The following SAXO1 variants were observed in gnomAD, a reference collection of about 807,000 sequenced individuals.
SAXO1 encodes the protein 4930500O09Rik.
SAXO1 carries 21 observed loss-of-function variants against 17.5 expected under a neutral mutation model. The observed-to-expected ratio is 1.20, with a 90% CI of 0.85 to 1.72. The LOEUF is 1.72. SAXO1 is among the 40% of genes most tolerant of loss of function. The probability of loss-of-function intolerance (pLI) is 0.00; values close to 1 mark genes in which losing one functional copy is unlikely to be tolerated. For synonymous variants in SAXO1, 274 were observed against 216.5 expected (o/e 1.27, Z -2.33); for missense variants, 843 against 596.0 (o/e 1.41, Z -4.32).
intron 3 of SAXO1, 129 bp from the exon 4 acceptor site, chr9:18,929,184 A>C: frequency 9.7e-7 from 1 of 1,027,666 alleles, no homozygotes; most frequent in Non-Finnish European, 1.4e-6. Context: ...AGAACAGAGC[A>C]CATCCCTGCT....
intron 1 of SAXO1, among the ~76,000 whole-genome samples, chr9:18,953,347 C>G (rs559577487): frequency 6.6e-6 from 1 of 152,086 alleles, no homozygotes; most frequent in Admixed American, 6.5e-5. Flanking sequence ...ATGTAACACA[C>G]TCTAAGGATT....
intron 1 of SAXO1, among the ~76,000 whole-genome samples, chr9:19,039,226 G>A (rs966392305): frequency 6.6e-6 from 1 of 152,098 alleles, no homozygotes; most frequent in Admixed American, 6.5e-5. Context: ...TTTATCCCAA[G>A]AATACAAGGT....
At chr9:19,032,820 A>C (rs1372324993) in intron 1 of SAXO1, 51 bp downstream of exon 1, 5 of 1,593,934 alleles carry the variant, frequency 3.1e-6, no homozygotes, top group Non-Finnish European at 4.3e-6. Context: ...CTTCCTCGGG[A>C]GTCTGAAAAC....
chr9:18,929,904 C>A (rs1280797764), intron 3 of SAXO1, among the ~76,000 whole-genome samples: 1 of 152,206 alleles, frequency 6.6e-6, no homozygotes, highest in Admixed American at 6.5e-5. Flanking sequence ...AACTACATGT[C>A]GGTCAATTGT....
intron 3 of SAXO1, among the ~76,000 whole-genome samples, chr9:18,936,155 T>G (rs889869060): frequency 2.6e-5 from 4 of 152,210 alleles, no homozygotes; most frequent in African/African-American, 9.6e-5. Context: ...CCAGAAGTCC[T>G]GATACCACCC....
intron 3 of SAXO1, among the ~76,000 whole-genome samples, chr9:18,940,595 T>G (rs1831510568): frequency 6.6e-6 from 1 of 152,218 alleles, no homozygotes; most frequent in African/African-American, 2.4e-5. Context: ...GCCCTCTCTA[T>G]TCACAGCATT....
chr9:19,006,196 G>A (rs536854033), intron 1 of SAXO1, among the ~76,000 whole-genome samples: 2 of 152,212 alleles, frequency 1.3e-5, no homozygotes, highest in South Asian at 2.1e-4. Context: ...CGTAGTCTCT[G>A]TGCAAAACAG....
intron 1 of SAXO1, among the ~76,000 whole-genome samples, chr9:18,987,549 T>G (rs1833643742): frequency 6.6e-6 from 1 of 152,184 alleles, no homozygotes; most frequent in African/African-American, 2.4e-5. Context: ...TGTGACCTCC[T>G]GTATTCAGTA....
At chr9:19,012,866 C>T (rs1020322997) in intron 1 of SAXO1, among the ~76,000 whole-genome samples, 9 of 152,174 alleles carry the variant, frequency 5.9e-5, no homozygotes, top group African/African-American at 1.4e-4. Context: ...GGAGGCGCTG[C>T]GGAGCTCAGG....
At chr9:18,997,708 AGTAGGGGCT>A (rs1380589560) in intron 1 of SAXO1, among the ~76,000 whole-genome samples, 1 of 152,210 alleles carries the variant, frequency 6.6e-6, no homozygotes, top group East Asian at 1.9e-4. Flanking sequence ...GACACTTCCC[AGTAGGGGCT>A]GACAGATACT....
chr9:18,993,104 C>T (rs1259679404), intron 1 of SAXO1, among the ~76,000 whole-genome samples: 1 of 150,782 alleles, frequency 6.6e-6, no homozygotes, highest in African/African-American at 2.5e-5. Flanking sequence ...CCAGCCAGAA[C>T]AATTTTTTTT....
Position 18,974,861 on chromosome 9 carries a change from T to A in SAXO1, c.39-23924A>T, listed in dbSNP as rs374646572. Among the ~76,000 whole-genome samples, 451 of 152,332 alleles carry A rather than the reference T, an allele frequency of 3.0e-3. 8 individuals are homozygous for A. The South Asian group carries it at 0.047, about 16-fold the overall frequency. On this transcript the variant is annotated intron_variant, in intron 1 of 3. Transcript: ENST00000380534. ...GTGGATTCATTCAACCATGGATGGA[T>A]GCTAAGGCTGATAGGCAAAGTTTTG...
At chr9:18,970,625 T>C (rs569491890) in intron 1 of SAXO1, among the ~76,000 whole-genome samples, 3 of 152,300 alleles carry the variant, frequency 2.0e-5, no homozygotes, top group Admixed American at 2.0e-4. Flanking sequence ...GAGTTGTGCT[T>C]TGAGTCTCAG....
intron 2 of SAXO1, among the ~76,000 whole-genome samples, chr9:18,948,027 G>T (rs551019698): frequency 6.6e-6 from 1 of 152,220 alleles, no homozygotes; most frequent in East Asian, 1.9e-4. Context: ...TTTAGATAAA[G>T]AAGTGGGTGG....
At chr9:18,985,404 T>C (rs907434194) in intron 1 of SAXO1, among the ~76,000 whole-genome samples, 17 of 152,164 alleles carry the variant, frequency 1.1e-4, no homozygotes, top group African/African-American at 4.1e-4. Context: ...CAAACCTACA[T>C]TAAAAAAACA....
At chr9:18,973,601 A>G (rs1309701059) in intron 1 of SAXO1, among the ~76,000 whole-genome samples, 1 of 152,208 alleles carries the variant, frequency 6.6e-6, no homozygotes, top group Non-Finnish European at 1.5e-5. Flanking sequence ...TGCACTGGAT[A>G]AGACAAGCTG....
chr9:18,958,543 T>A (rs928797292), intron 1 of SAXO1, among the ~76,000 whole-genome samples: 7 of 152,070 alleles, frequency 4.6e-5, no homozygotes, highest in African/African-American at 1.7e-4. Flanking sequence ...GCAACTTTAA[T>A]GGTTATTTGG....
At chr9:19,016,367 C>T (rs1167707430) in intron 1 of SAXO1, among the ~76,000 whole-genome samples, 2 of 152,146 alleles carry the variant, frequency 1.3e-5, no homozygotes, top group East Asian at 1.9e-4. Context: ...ACCCAGGTGG[C>T]GGAGGTTGTA....
chr9:19,014,996 G>C (rs1014779351), intron 1 of SAXO1, among the ~76,000 whole-genome samples: 12 of 152,142 alleles, frequency 7.9e-5, no homozygotes, highest in Non-Finnish European at 1.8e-4. Context: ...TCCTGAGAAA[G>C]ATGTAAGGCA....
Sources: allele counts gnomAD v4.1 joint callset (sites outside exome capture counted in the v4.1 genomes callset), GRCh38; gene constraint gnomAD v4.1.1; transcripts MANE v1.5; gene names NCBI Gene and HGNC (gene_info 2026-07-23, HGNC 2026-07-21).